The following ATRNL1 variants were observed in gnomAD, a reference collection of about 807,000 sequenced individuals.
ATRNL1 encodes attractin-like protein 1.
In ATRNL1, 95 loss-of-function variants were observed where a neutral mutation model predicts 182.7. The ratio of observed to expected loss-of-function variants is 0.52; its 90% CI spans 0.44 to 0.62. The LOEUF (loss-of-function observed/expected upper bound fraction) is 0.62, where lower values mean the gene tolerates loss of function less well. ATRNL1 is among the 20% of genes least tolerant of loss of function. The pLI is 0.00. For synonymous variants in ATRNL1, 576 were observed against 568.3 expected, an observed-to-expected ratio of 1.01 and a Z score of -0.19; for missense variants, 1,471 against 1,679.5, an observed-to-expected ratio of 0.88 and a Z score of 2.17.
In ATRNL1 at chr10:115,403,461, T is replaced by G. The variant is rs577523861; in HGVS notation, c.3269+8709T>G. ...CTTCAAATACTGACACTAACTTTTTTTTTGTTTGTTTTGAGACAAAGTCTA... is the reference window on the plus strand; with the variant it reads ...CTTCAAATACTGACACTAACTTTTTGTTTGTTTGTTTTGAGACAAAGTCTA... On this transcript the variant is annotated intron_variant, in intron 20 of 28. Transcript: ENST00000355044. Among the ~76,000 whole-genome samples the G allele has an allele frequency of 3.0e-4, 46 of 152,186 alleles. 1 individual carries two copies. Among genetic ancestry groups the G allele is most frequent in the Middle Eastern group, 3.4e-3 (1 of 294 alleles).
chr10:115,845,791 G>A (rs182218498), intron 27 of ATRNL1, among the ~76,000 whole-genome samples: 178 of 151,902 alleles, frequency 1.2e-3, no homozygotes, highest in East Asian at 3.9e-3. Context: ...AAGCTTGCCC[G>A]TTGGTAGAAA....
chr10:115,247,455 A>C (rs1850693672), intron 10 of ATRNL1, among the ~76,000 whole-genome samples: 1 of 152,240 alleles, frequency 6.6e-6, no homozygotes, highest in Non-Finnish European at 1.5e-5. Context: ...CATCAGGGAA[A>C]TACAAATCAA....
chr10:115,201,213 G>A (rs1592249611), intron 8 of ATRNL1, among the ~76,000 whole-genome samples: 2 of 151,192 alleles, frequency 1.3e-5, no homozygotes, highest in East Asian at 1.9e-4. Flanking sequence ...TTCTTTTGCT[G>A]TGCAGAAGCT....
intron 17 of ATRNL1, among the ~76,000 whole-genome samples, chr10:115,311,064 C>T (rs999510756): frequency 7.3e-6 from 1 of 137,118 alleles, no homozygotes; most frequent in Non-Finnish European, 1.5e-5. Context: ...TAATTGTTAA[C>T]CCCAAAATCG....
chr10:115,176,420 A>G (rs1479012814), intron 8 of ATRNL1, among the ~76,000 whole-genome samples: 3 of 152,124 alleles, frequency 2.0e-5, no homozygotes, highest in Admixed American at 2.0e-4. Context: ...CATGTTGTAA[A>G]TAAACTTTAT....
At chr10:115,408,488 G>A (rs1449927166) in intron 20 of ATRNL1, among the ~76,000 whole-genome samples, 1 of 152,192 alleles carries the variant, frequency 6.6e-6, no homozygotes, top group Non-Finnish European at 1.5e-5. Flanking sequence ...TATCCTGTCA[G>A]ATGAATAGTT....
intron 21 of ATRNL1, among the ~76,000 whole-genome samples, chr10:115,455,017 G>A (rs1554968424): frequency 6.6e-6 from 1 of 152,002 alleles, no homozygotes; most frequent in Non-Finnish European, 1.5e-5. Context: ...CATTGCATAT[G>A]GTATTAGCTG....
intron 26 of ATRNL1, among the ~76,000 whole-genome samples, chr10:115,664,620 T>C (rs1860893936): frequency 6.6e-6 from 1 of 152,116 alleles, no homozygotes; most frequent in African/African-American, 2.4e-5. Context: ...TTCAAATTAG[T>C]CTATTTTTAT....
chr10:115,217,593 G>A (rs1554896584), intron 9 of ATRNL1, among the ~76,000 whole-genome samples: 15 of 152,072 alleles, frequency 9.9e-5, no homozygotes. Flanking sequence ...CTCACTACTT[G>A]AATAAAATTT....
At chr10:115,471,160 T>A (rs1848291579) in intron 24 of ATRNL1, among the ~76,000 whole-genome samples, 1 of 150,816 alleles carries the variant, frequency 6.6e-6, no homozygotes, top group Non-Finnish European at 1.5e-5. Context: ...TCCATTGTTA[T>A]GTGTGTGTAT....
Position 115,093,851 on chromosome 10 carries a change from C to G in ATRNL1, c.101C>G (p.Ser34Cys). Reference sequence around the variant, plus strand: ...GGCGGCGGCGGCGGGGGCGCCTCCTCCTGGCTGCTGGACGGGAACAGCTGG... The same window carrying G: ...GGCGGCGGCGGCGGGGGCGCCTCCTGCTGGCTGCTGGACGGGAACAGCTGG... ...PAGGGGGGAS[S>C]WLLDGNSWLL... Residue 34 changes from serine (S) to cysteine (C), a missense_variant, in exon 1 of 29, where the codon TCC (serine) becomes TGC (cysteine). Physicochemically the swap from Ser to Cys is moderately radical, Grantham distance 112. Transcript: ENST00000355044. This position sits in a 1 kb window ranked among gnomAD's most constrained non-coding sequence, Gnocchi z 6.1. The G allele has an allele frequency of 2.6e-6, 4 of 1,552,396 alleles. No individual in the cohort carries two copies. Among genetic ancestry groups the G allele is most frequent in the Non-Finnish European group, 3.5e-6 (4 of 1,153,366 alleles).
Position 115,121,786 on chromosome 10 carries a change from A to G in ATRNL1, c.465A>G (p.Ile155Met), listed in dbSNP as rs142725326. The change falls in exon 3 of 29, where the codon ATA becomes ATG. Residue 155 changes from isoleucine (I) to methionine (M), a missense_variant. By Grantham distance (10) the Ile-to-Met change is conservative. Around this residue, in one of 3 missense-constraint regions of ATRNL1, gnomAD observed 1,031 missense variants for 1,156.0 expected, o/e 0.89. Coordinates refer to ENST00000355044, the MANE Select transcript of ATRNL1 (RefSeq NM_207303.4). ...DHMYVYDGDS[I>M]YAPLIAVLSG... ...TGTATGTTTATGATGGAGATTCAAT[A>G]TATGCACCTTTAATAGCTGTACTTA... 23 of 1,549,952 alleles carry G rather than the reference A, an allele frequency of 1.5e-5. No homozygotes were observed. Among genetic ancestry groups the G allele is most frequent in the Non-Finnish European group, 1.8e-5 (21 of 1,137,806 alleles).
At chr10:115,400,998 T>G (rs952315703) in intron 20 of ATRNL1, among the ~76,000 whole-genome samples, 1 of 152,100 alleles carries the variant, frequency 6.6e-6, no homozygotes, top group Non-Finnish European at 1.5e-5. Flanking sequence ...GACATTGTTA[T>G]GTCTTATATG....
intron 27 of ATRNL1, among the ~76,000 whole-genome samples, chr10:115,822,029 A>C (rs1486819369): frequency 1.3e-5 from 2 of 152,208 alleles, no homozygotes; most frequent in East Asian, 3.9e-4. Flanking sequence ...CATAATTGGA[A>C]GTAAAACACT....
intron 19 of ATRNL1, among the ~76,000 whole-genome samples, chr10:115,369,280 C>T (rs1239986029): frequency 6.3e-5 from 6 of 95,114 alleles, no homozygotes; most frequent in African/African-American, 2.7e-4. Context: ...TGGGGTAATT[C>T]TTTGAAGGGG....
At chr10:115,903,791 T>G (rs950516472) in intron 28 of ATRNL1, among the ~76,000 whole-genome samples, 2 of 118,178 alleles carry the variant, frequency 1.7e-5, no homozygotes, top group Admixed American at 1.1e-4. Context: ...GCAAAATGTA[T>G]CCAGAGGAAC....
chr10:115,847,046 A>G (rs570367524), intron 27 of ATRNL1, among the ~76,000 whole-genome samples: 40 of 152,154 alleles, frequency 2.6e-4, no homozygotes, highest in Admixed American at 8.5e-4. Flanking sequence ...ACTCTATGTT[A>G]TTTCTAAAGT....
chr10:115,589,286 G>A (rs1254883165), intron 26 of ATRNL1, among the ~76,000 whole-genome samples: 1 of 152,110 alleles, frequency 6.6e-6, no homozygotes, highest in African/African-American at 2.4e-5. Context: ...AAAGCTGGAG[G>A]AATATTTAAA....
chr10:115,902,668 T>C (rs7086294), intron 28 of ATRNL1, among the ~76,000 whole-genome samples: 28,586 of 152,254 alleles, frequency 0.19, 8,359 homozygotes, highest in African/African-American at 0.63. Context: ...TTTCCCCCTA[T>C]GCTTTCTGTT....
Sources: gnomAD v4.1 joint callset for allele counts (sites outside exome capture counted in the v4.1 genomes callset) on GRCh38, gnomAD v4.1.1 for gene constraint, gnomAD v4.1.1 regional missense constraint, Gnocchi (gnomAD v3.1) non-coding constraint, MANE v1.5 for transcripts, NCBI Gene and HGNC (gene_info 2026-07-23, HGNC 2026-07-21) for gene names.